Variants in FAM83G observed in about 807,000 individuals in gnomAD.
The protein encoded by FAM83G is protein FAM83G.
FAM83G carries 38 observed loss-of-function variants against 61.5 expected under a neutral mutation model. The ratio of observed to expected loss-of-function variants is 0.62; its 90% CI spans 0.48 to 0.81. FAM83G has a LOEUF of 0.81. FAM83G is among the 30% of genes least tolerant of loss of function. FAM83G has a pLI of 0.00. For missense variants in FAM83G, 989 were observed against 1,133.6 expected, an observed-to-expected ratio of 0.87 and a Z score of 1.83; for synonymous variants, 470 against 476.1, an observed-to-expected ratio of 0.99 and a Z score of 0.17.
At position 18,996,715 on chromosome 17, in the gene FAM83G, G is replaced by T. The variant is rs2043579209; in HGVS notation, c.522+6805C>A. Among the ~76,000 whole-genome samples the T allele has an allele frequency of 6.6e-6, 1 of 152,192 alleles. No homozygotes were observed. Among genetic ancestry groups the T allele is most frequent in the African/African-American group, 2.4e-5 (1 of 41,430 alleles). On this transcript the variant is annotated intron_variant, in intron 2 of 5. Transcript: ENST00000388995. This position sits in a 1 kb window ranked among gnomAD's most constrained non-coding sequence, Gnocchi z 4.4. ...TGGTGATGGCCACTCCCATTTTCCAGAGGGGGTGTCACTGTCCCAGGGCCA... is the reference window on the plus strand; with the variant it reads ...TGGTGATGGCCACTCCCATTTTCCATAGGGGGTGTCACTGTCCCAGGGCCA...
intron 2 of FAM83G, among the ~76,000 whole-genome samples, chr17:18,993,834 G>C (rs2043494184): frequency 6.6e-6 from 1 of 152,216 alleles, no homozygotes; most frequent in African/African-American, 2.4e-5. Context: ...CCTTGGGCAA[G>C]TACCTTCATT....
At chr17:18,993,367 C>T (rs1280993621) in intron 2 of FAM83G, among the ~76,000 whole-genome samples, 1 of 152,216 alleles carries the variant, frequency 6.6e-6, no homozygotes, top group Non-Finnish European at 1.5e-5. Flanking sequence ...GAGCGTGTAT[C>T]ACTTGCGTAT....
At chr17:18,988,148 C>T in intron 3 of FAM83G, 99 bp downstream of exon 3, 1 of 1,504,222 alleles carries the variant, frequency 6.6e-7, no homozygotes, top group South Asian at 1.3e-5. Context: ...GTGCCTGGCA[C>T]AGGACTCCGT....
intron 2 of FAM83G, 77 bp from the exon 3 acceptor site, chr17:18,988,491 C>T: frequency 1.3e-6 from 2 of 1,574,328 alleles, no homozygotes; most frequent in Admixed American, 1.7e-5. Flanking sequence ...GAGCGCACAG[C>T]CCTCCCATGC....
upstream of FAM83G, among the ~76,000 whole-genome samples, chr17:19,006,099 G>A (rs190333804): frequency 1.2e-3 from 181 of 152,354 alleles, no homozygotes; most frequent in African/African-American, 4.3e-3. Context: ...CACTTCTGCA[G>A]TTGATGAGCA....
intron 2 of FAM83G, among the ~76,000 whole-genome samples, chr17:18,995,178 A>G (rs1055733771): frequency 2.0e-5 from 3 of 152,250 alleles, no homozygotes; most frequent in Admixed American, 6.5e-5. Context: ...AAAAAAATCC[A>G]TCAAAATCAA....
Position 18,970,891 on chromosome 17 carries a change from G to A in FAM83G, c.*468C>T, listed in dbSNP as rs2042824338. ...CCTTTCCAAACACTGGGAAAGATGA[G>A]GTGGAAAAAACTCAAGTTTGATGCA... On this transcript the variant is annotated 3_prime_UTR_variant, in exon 6 of 6. Coordinates refer to ENST00000388995, the MANE Select transcript of FAM83G (RefSeq NM_001039999.3). 1 of 828,184 alleles carries A rather than the reference G, an allele frequency of 1.2e-6. No homozygotes were observed. The highest frequency in any genetic ancestry group is 1.7e-5 in the African/African-American group (1 of 59,216). The allele number at this position is 828,184 out of a possible 1,614,324, so 51.3% of individuals were successfully genotyped here.
At chr17:18,997,572 A>G (rs928309945) in intron 2 of FAM83G, among the ~76,000 whole-genome samples, 2 of 152,270 alleles carry the variant, frequency 1.3e-5, no homozygotes, top group African/African-American at 4.8e-5. Flanking sequence ...AGCGACAGAC[A>G]TTGGGGCCAT....
intron 2 of FAM83G, among the ~76,000 whole-genome samples, chr17:18,992,624 C>G (rs779869233): frequency 6.6e-6 from 1 of 152,226 alleles, no homozygotes; most frequent in Non-Finnish European, 1.5e-5. Context: ...AAGGGTGGAG[C>G]GGGCGGAGTC....
chr17:18,977,260 C>A, intron 5 of FAM83G: 1 of 590,020 alleles, frequency 1.7e-6, no homozygotes, highest in South Asian at 2.2e-5. Context: ...CATCTGCAAA[C>A]TAGGGACTGT....
chr17:18,982,124 C>T (rs1038124652), intron 3 of FAM83G, among the ~76,000 whole-genome samples: 23 of 152,248 alleles, frequency 1.5e-4, no homozygotes, highest in African/African-American at 5.1e-4. Flanking sequence ...ACTCAGCCTC[C>T]GTGTGAGCCG....
In FAM83G at chr17:18,970,985, T is replaced by G. The variant is rs761352301; in HGVS notation, c.*374A>C. 5.0e-6 allele frequency: 8 copies of G among 1,609,948 alleles called. No individual in the cohort carries two copies. Among genetic ancestry groups the G allele is most frequent in the Admixed American group, 3.3e-5 (2 of 59,980 alleles). ...AGTCAGGGCCCCGCAACCACCAAAC[T>G]GTCCCTGTTCCACCCTGACCCCTCC... is the stretch of plus-strand genomic sequence containing the variant. On this transcript the variant is annotated 3_prime_UTR_variant, in exon 6 of 6. Coordinates refer to ENST00000388995, the MANE Select transcript of FAM83G (RefSeq NM_001039999.3).
Position 18,969,309 on chromosome 17 carries a change from G to A in FAM83G, c.*2050C>T, listed in dbSNP as rs553150424. 1.2e-6 allele frequency: 2 copies of A among 1,608,702 alleles called. No homozygotes were observed. Among genetic ancestry groups the A allele is most frequent in the African/African-American group, 1.3e-5 (1 of 74,978 alleles). ...CCGTGTCCCTCCTCCCTGGGGCCAG[G>A]GCCCCCTCCAGCAACCTTGCTTCCA... On this transcript the variant is annotated 3_prime_UTR_variant, in exon 6 of 6. Coordinates refer to ENST00000388995, the MANE Select transcript of FAM83G (RefSeq NM_001039999.3).
In FAM83G at chr17:18,996,065, A is replaced by G. The variant is rs956329609; in HGVS notation, c.522+7455T>C. ...AAGACAACTGCATGTCAAGGAACAA[A>G]GTAAGTGGACTTCTCATCAGAATCA... On this transcript the variant is annotated intron_variant, in intron 2 of 5. Transcript: ENST00000388995. This position sits in a 1 kb window ranked among gnomAD's most constrained non-coding sequence, Gnocchi z 4.4. 6.6e-6 allele frequency among the ~76,000 whole-genome samples: 1 copy of G among 152,102 alleles called. No individual in the cohort carries two copies. The highest frequency in any genetic ancestry group is 1.5e-5 in the Non-Finnish European group (1 of 68,028).
intron 3 of FAM83G, among the ~76,000 whole-genome samples, chr17:18,985,435 T>C (rs114145504): frequency 0.027 from 4,136 of 152,264 alleles, 197 homozygotes; most frequent in African/African-American, 0.093. Context: ...AGAAAACCTG[T>C]ACCCTGCCTG....
At position 18,971,292 on chromosome 17, in the gene FAM83G, T is replaced by G. The variant is rs2042838253; in HGVS notation, c.*67A>C. 7 of 1,609,630 alleles carry G rather than the reference T, an allele frequency of 4.3e-6. No individual in the cohort carries two copies. Among genetic ancestry groups the G allele is most frequent in the Non-Finnish European group, 5.1e-6 (6 of 1,177,036 alleles). The stretch of plus-strand genomic sequence containing the variant: ...GGCTCTGGTAGGCCCAGGCGGCCTG[T>G]CTGCCCTCCGCGTCATGAGTCTGGG... On this transcript the variant is annotated 3_prime_UTR_variant, in exon 6 of 6. Coordinates refer to ENST00000388995, the MANE Select transcript of FAM83G (RefSeq NM_001039999.3). The surrounding 1 kb of genome is among the most constrained non-coding windows in gnomAD (Gnocchi z 5.5).
At chr17:18,995,059 G>A (rs1398534379) in intron 2 of FAM83G, among the ~76,000 whole-genome samples, 9 of 152,038 alleles carry the variant, frequency 5.9e-5, no homozygotes, top group Admixed American at 5.9e-4. Context: ...AATATTTAAA[G>A]GAGAAAACAA....
rs562297716 is a variant in FAM83G, at chr17:18,987,171, C to A, written c.690+1076G>T. Reference sequence around the variant, plus strand: ...GGCGGTGCCCCTTCTCCTAGGACCACAAGCCTGAAACCTGCAGAATTTTGA... The same window carrying A: ...GGCGGTGCCCCTTCTCCTAGGACCAAAAGCCTGAAACCTGCAGAATTTTGA... On this transcript the variant is annotated intron_variant, in intron 3 of 5. Transcript: ENST00000388995. Among the ~76,000 whole-genome samples, 54 of 152,350 alleles carry A rather than the reference C, an allele frequency of 3.5e-4. 2 individuals carry two copies. In the East Asian group the frequency reaches 0.01, roughly 29 times the overall value.
chr17:18,989,360 G>A (rs1368662566), intron 2 of FAM83G, among the ~76,000 whole-genome samples: 2 of 152,186 alleles, frequency 1.3e-5, no homozygotes, highest in Non-Finnish European at 2.9e-5. Context: ...AGGCGGCCTG[G>A]AGCCTGCTGG....
Sources: gnomAD v4.1 joint callset for allele counts (sites outside exome capture counted in the v4.1 genomes callset) on GRCh38, gnomAD v4.1.1 for gene constraint, Gnocchi (gnomAD v3.1) non-coding constraint, MANE v1.5 for transcripts, NCBI Gene and HGNC (gene_info 2026-07-23, HGNC 2026-07-21) for gene names.